The following HS6ST2 variants were observed in gnomAD, a reference collection of about 807,000 sequenced individuals.
The protein encoded by HS6ST2 is heparan sulfate 6-O-sulfotransferase 2, also known as heparan-sulfate 6-O-sulfotransferase 2.
HS6ST2 carries 17 observed loss-of-function variants against 33.0 expected under a neutral mutation model. The observed-to-expected ratio is 0.52, with a 90% confidence interval of 0.35 to 0.77. The LOEUF (loss-of-function observed/expected upper bound fraction) is 0.77, where lower values mean the gene tolerates loss of function less well. Ranked by LOEUF, HS6ST2 falls within the 30% of genes least tolerant of loss-of-function variation. The pLI is 0.01. For missense variants in HS6ST2, 519 were observed against 551.7 expected (o/e 0.94, Z 0.59); for synonymous variants, 248 against 237.1 (o/e 1.05, Z -0.42).
intron 4 of HS6ST2, among the ~76,000 whole-genome samples, chrX:132,652,971 G>T (rs773092866): frequency 9.0e-6 from 1 of 111,149 alleles, no homozygotes; most frequent in Admixed American, 9.6e-5. Flanking sequence ...ATTAGAAAAC[G>T]CCATCCTTTA....
chrX:132,944,924 C>T (rs2066931479), intron 2 of HS6ST2, among the ~76,000 whole-genome samples: 1 of 111,574 alleles, frequency 9.0e-6, no homozygotes, highest in Non-Finnish European at 1.9e-5. Flanking sequence ...TAGGCAATAC[C>T]ATTCAGGACA....
chrX:132,942,905 A>C (rs757963767), intron 2 of HS6ST2, among the ~76,000 whole-genome samples: 242 of 112,291 alleles, frequency 2.2e-3, no homozygotes, highest in Non-Finnish European at 4.0e-3. Flanking sequence ...TGCAGTCTAC[A>C]AGGGGGTAGA....
intron 3 of HS6ST2, among the ~76,000 whole-genome samples, chrX:132,676,553 C>T (rs759157156): frequency 1.2e-4 from 13 of 111,434 alleles, no homozygotes; most frequent in Admixed American, 1.9e-4. Context: ...CAAAATAGAA[C>T]GAAATTATGC....
chrX:132,769,488 T>C (rs1425008738), intron 2 of HS6ST2, among the ~76,000 whole-genome samples: 1 of 111,953 alleles, frequency 8.9e-6, no homozygotes, highest in Non-Finnish European at 1.9e-5. Context: ...GGGGGAAAAG[T>C]GTGTTCATCA....
At chrX:132,650,110 G>C (rs2063678984) in intron 4 of HS6ST2, among the ~76,000 whole-genome samples, 1 of 111,712 alleles carries the variant, frequency 9.0e-6, no homozygotes, top group South Asian at 3.8e-4. Context: ...CTGCAGCCTT[G>C]AAGGGAAGAG....
In HS6ST2 at chrX:132,663,631, T is replaced by C. The variant is rs1330477638; in HGVS notation, c.1067+5482A>G. Among the ~76,000 whole-genome samples the C allele has an allele frequency of 3.5e-5, 4 of 112,972 alleles. No individual in the cohort carries two copies. The Admixed American group carries it at 3.7e-4, about 11-fold the overall frequency. On this transcript the variant is annotated intron_variant, in intron 4 of 4. Transcript: ENST00000370833. ...TTTTGTGATATTAGACTTAGTCTAGTAGCTAAACTAAGGAACTATTGACAT... is the reference window on the plus strand; with the variant it reads ...TTTTGTGATATTAGACTTAGTCTAGCAGCTAAACTAAGGAACTATTGACAT...
At chrX:132,883,948 C>G (rs1331959911) in intron 2 of HS6ST2, among the ~76,000 whole-genome samples, 1 of 112,042 alleles carries the variant, frequency 8.9e-6, no homozygotes, top group East Asian at 2.8e-4. Context: ...TCCTCTTTCT[C>G]TTGATGTTAA....
chrX:132,688,867 C>T (rs937811339), intron 3 of HS6ST2, among the ~76,000 whole-genome samples: 1 of 112,353 alleles, frequency 8.9e-6, no homozygotes, highest in African/African-American at 3.2e-5. Flanking sequence ...ATTCTTAGAT[C>T]TAAGCTCTAG....
At chrX:132,738,909 A>G (rs2064537525) in intron 2 of HS6ST2, among the ~76,000 whole-genome samples, 1 of 112,047 alleles carries the variant, frequency 8.9e-6, no homozygotes, top group Non-Finnish European at 1.9e-5. Flanking sequence ...TACTTGAATG[A>G]AACTAGACCC....
intron 2 of HS6ST2, among the ~76,000 whole-genome samples, chrX:132,813,991 C>T (rs535560616): frequency 6.5e-4 from 73 of 111,710 alleles, no homozygotes; most frequent in African/African-American, 2.3e-3. Flanking sequence ...GTCGCCCAGG[C>T]TGGAGTGCAG....
At chrX:132,694,965 G>A (rs189373393) in intron 3 of HS6ST2, among the ~76,000 whole-genome samples, 3 of 111,132 alleles carry the variant, frequency 2.7e-5, no homozygotes, top group Admixed American at 1.9e-4. Flanking sequence ...TTGTCTGGGG[G>A]CAGGTGAAGT....
At chrX:132,871,898 C>T (rs748951229) in intron 2 of HS6ST2, among the ~76,000 whole-genome samples, 1 of 111,045 alleles carries the variant, frequency 9.0e-6, no homozygotes, top group East Asian at 2.8e-4. Flanking sequence ...CCTGAACGTT[C>T]CGCACATGTA....
Position 132,898,417 on chromosome X carries a change from G to T in HS6ST2, c.947+58391C>A, listed in dbSNP as rs763318065. 7.1e-5 allele frequency among the ~76,000 whole-genome samples: 7 copies of T among 99,132 alleles called. No homozygotes were observed. In the South Asian group the frequency reaches 3.4e-3, roughly 48 times the overall value. The allele number at this position is 99,132 out of a possible 115,157, so 86.1% of individuals were successfully genotyped here. ...TATATATATATATATAAGCTTCTCT[G>T]CATTTTAATAAGCTGAAGAGTTAGC... On this transcript the variant is annotated intron_variant, in intron 2 of 4. Transcript: ENST00000370833.
intron 2 of HS6ST2, among the ~76,000 whole-genome samples, chrX:132,887,892 G>A (rs1445477645): frequency 8.9e-6 from 1 of 112,117 alleles, no homozygotes; most frequent in Non-Finnish European, 1.9e-5. Flanking sequence ...TGTGAAAGAA[G>A]TCAGATGCAA....
chrX:132,662,138 A>G, intron 4 of HS6ST2, among the ~76,000 whole-genome samples: 1 of 111,267 alleles, frequency 9.0e-6, no homozygotes, highest in East Asian at 2.8e-4. Context: ...CCAAATACAT[A>G]TGGACAAATG....
At chrX:132,771,780 C>T (rs2064902869) in intron 2 of HS6ST2, among the ~76,000 whole-genome samples, 1 of 111,808 alleles carries the variant, frequency 8.9e-6, no homozygotes, top group South Asian at 3.7e-4. Flanking sequence ...TTTGAAGTAA[C>T]TTTCATAATG....
At chrX:132,949,938 A>G (rs990741387) in intron 2 of HS6ST2, among the ~76,000 whole-genome samples, 1 of 111,019 alleles carries the variant, frequency 9.0e-6, no homozygotes, top group Non-Finnish European at 1.9e-5. Flanking sequence ...TTTTTCTCTT[A>G]GCATTAAATC....
chrX:132,637,892 TTATATATAATATTA>T lies in HS6ST2; in HGVS notation c.1068-8813_1068-8800del, dbSNP rs1412459401. ...TTATATATAATATATATATAATATT[TTATATATAATATTA>T]TATATAATATTTTATATATATATTA... On this transcript the variant is annotated intron_variant, in intron 4 of 4. Coordinates refer to ENST00000370833, the MANE Select transcript of HS6ST2 (RefSeq NM_001394073.1). Among the ~76,000 whole-genome samples the T allele has an allele frequency of 1.9e-3, 102 of 54,443 alleles. 1 individual carries two copies. The highest frequency in any genetic ancestry group is 0.012 in the African/African-American group (96 of 7,720). 47.3% of individuals were successfully genotyped at this position (54,443 alleles called of 115,157 possible).
At chrX:132,710,249 T>C (rs1039265571) in intron 2 of HS6ST2, among the ~76,000 whole-genome samples, 1 of 110,942 alleles carries the variant, frequency 9.0e-6, no homozygotes, top group African/African-American at 3.3e-5. Context: ...CCAAAGTTCA[T>C]AGGGAAAAGG....
Sources: allele counts gnomAD v4.1 joint callset (sites outside exome capture counted in the v4.1 genomes callset), GRCh38; gene constraint gnomAD v4.1.1; transcripts MANE v1.5; gene names NCBI Gene and HGNC (gene_info 2026-07-23, HGNC 2026-07-21).